Variants in DPY19L3 observed in about 807,000 individuals in gnomAD.
The protein encoded by DPY19L3 is dpy-19 like C-mannosyltransferase 3.
A neutral mutation model predicts 92.3 loss-of-function variants in DPY19L3; 51 were observed. That is an observed-to-expected ratio of 0.55 (90% confidence interval 0.44 to 0.70). The LOEUF (loss-of-function observed/expected upper bound fraction) is 0.70, where lower values mean the gene tolerates loss of function less well. DPY19L3 is among the 30% of genes least tolerant of loss of function. DPY19L3 has a pLI of 0.00. For synonymous variants in DPY19L3, 309 were observed against 315.2 expected, an observed-to-expected ratio of 0.98 and a Z score of 0.21; for missense variants, 706 against 855.9, an observed-to-expected ratio of 0.82 and a Z score of 2.18.
At chr19:32,463,817 A>G (rs910410724) in intron 13 of DPY19L3, 52 bp from the exon 14 acceptor site, 6 of 1,465,642 alleles carry the variant, frequency 4.1e-6, no homozygotes, top group Non-Finnish European at 4.8e-6. Flanking sequence ...CTCAGAATCC[A>G]GGTTTATATA....
chr19:32,451,720 G>A (rs1315974013), intron 8 of DPY19L3, among the ~76,000 whole-genome samples: 1 of 152,112 alleles, frequency 6.6e-6, no homozygotes, highest in Non-Finnish European at 1.5e-5. Flanking sequence ...CGTGTTTCGT[G>A]TATTCAAGTT....
At chr19:32,478,732 C>T (rs1970586129) in intron 17 of DPY19L3, among the ~76,000 whole-genome samples, 1 of 152,200 alleles carries the variant, frequency 6.6e-6, no homozygotes, top group African/African-American at 2.4e-5. Context: ...TTAACAGCTT[C>T]CTTCCTATTT....
At chr19:32,431,079 C>CTA (rs964443688) in intron 3 of DPY19L3, among the ~76,000 whole-genome samples, 2 of 151,996 alleles carry the variant, frequency 1.3e-5, no homozygotes, top group Middle Eastern at 3.2e-3. Flanking sequence ...TGTGAATCTG[C>CTA]TATAATATGA....
rs758319559 is a variant in DPY19L3 at position 32,458,462 on chromosome 19, G to C, written c.1275G>C (p.Leu425=). 6.2e-7 allele frequency: 1 copy of C among 1,613,348 alleles called. No homozygotes were observed. Among genetic ancestry groups the C allele is most frequent in the Admixed American group, 1.7e-5 (1 of 59,934 alleles). The part of the protein sequence containing the change: ...TLLFYAYIFV[L]SITVIVAFVV... ...TTTTTTATGCTTACATATTCGTTCT[G>C]TCCATCACAGTGATTGTAGCATTCG... Residue 425 remains leucine (L), a synonymous_variant, in exon 12 of 19, where the codon CTG becomes CTC. Coordinates refer to ENST00000392250, the MANE Select transcript of DPY19L3 (RefSeq NM_001172774.2).
At chr19:32,407,043 A>G (rs1025287168) in intron 1 of DPY19L3, among the ~76,000 whole-genome samples, 2 of 144,612 alleles carry the variant, frequency 1.4e-5, no homozygotes, top group Admixed American at 1.4e-4. Context: ...CATGAATTGT[A>G]TAATGTTAGT....
At chr19:32,422,871 T>C (rs1968620983) in intron 3 of DPY19L3, among the ~76,000 whole-genome samples, 1 of 152,130 alleles carries the variant, frequency 6.6e-6, no homozygotes, top group African/African-American at 2.4e-5. Context: ...GAAACAAAAG[T>C]CAACCTAGCA....
chr19:32,430,526 A>G (rs778833065), intron 3 of DPY19L3, among the ~76,000 whole-genome samples: 4 of 152,318 alleles, frequency 2.6e-5, no homozygotes, highest in Non-Finnish European at 5.9e-5. Flanking sequence ...GGAATTAACA[A>G]ACAATGATAA....
chr19:32,466,185 A>G (rs1970194532), intron 15 of DPY19L3, among the ~76,000 whole-genome samples: 1 of 152,208 alleles, frequency 6.6e-6, no homozygotes, highest in Non-Finnish European at 1.5e-5. Flanking sequence ...AATAAAATTG[A>G]GGAAGGACAT....
intron 15 of DPY19L3, chr19:32,467,725 TGTGAA>T (rs1970240833): frequency 2.0e-6 from 2 of 986,950 alleles, no homozygotes; most frequent in Admixed American, 1.2e-4. Context: ...TATGCTAATA[TGTGAA>T]GTGAATTCTA....
At chr19:32,432,648 C>A in intron 3 of DPY19L3, 68 bp from the exon 4 acceptor site, 1 of 1,331,696 alleles carries the variant, frequency 7.5e-7, no homozygotes, top group South Asian at 1.2e-5. Flanking sequence ...TGTATCCTTT[C>A]TACAGTAACA....
chr19:32,421,874 G>T (rs1968583797), intron 3 of DPY19L3, among the ~76,000 whole-genome samples: 1 of 152,104 alleles, frequency 6.6e-6, no homozygotes, highest in South Asian at 2.1e-4. Context: ...TATTTGTTAA[G>T]AGATGGAATT....
At chr19:32,458,969 C>T (rs888817619) in intron 12 of DPY19L3, among the ~76,000 whole-genome samples, 1 of 152,198 alleles carries the variant, frequency 6.6e-6, no homozygotes, top group African/African-American at 2.4e-5. Context: ...CCATTATTAG[C>T]ATCCTGTGTT....
At chr19:32,450,116 C>A (rs138708508) in intron 8 of DPY19L3, among the ~76,000 whole-genome samples, 7 of 152,026 alleles carry the variant, frequency 4.6e-5, no homozygotes, top group African/African-American at 1.7e-4. Flanking sequence ...ACATAAATGT[C>A]CAATAAACAC....
At chr19:32,444,920 A>AAATAAT (rs375883168) in intron 8 of DPY19L3, among the ~76,000 whole-genome samples, 5 of 151,228 alleles carry the variant, frequency 3.3e-5, no homozygotes, top group African/African-American at 1.2e-4. Context: ...CCATCTCTAT[A>AAATAAT]AATAATAATA....
chr19:32,447,775 A>AGATAGATAGATAGATTGATT (rs1237623603), intron 8 of DPY19L3, among the ~76,000 whole-genome samples: 3 of 126,942 alleles, frequency 2.4e-5, no homozygotes, highest in Admixed American at 7.8e-5. Context: ...ATAGATAGAT[A>AGATAGATAGATAGATTGATT]GATTAGATAA....
Position 32,483,506 on chromosome 19 carries a change from G to A in DPY19L3, c.*1266G>A, listed in dbSNP as rs1055926380. ...GGAATTAACTTTCTCCCCTGTTCTT[G>A]CCAGGTGGAAATGATTTAAGCATTT... On this transcript the variant is annotated 3_prime_UTR_variant, in exon 19 of 19. Transcript: ENST00000392250. 1 of 152,536 alleles carries A rather than the reference G, an allele frequency of 6.6e-6. No homozygotes were observed. Among genetic ancestry groups the A allele is most frequent in the Admixed American group, 6.5e-5 (1 of 15,278 alleles). The allele number at this position is 152,536 out of a possible 1,614,324, so 9.4% of individuals were successfully genotyped here. A position where few individuals can be genotyped will look rare whatever the true frequency, so the allele number is the denominator to read the frequency against.
intron 12 of DPY19L3, among the ~76,000 whole-genome samples, chr19:32,462,874 G>A (rs992933033): frequency 1.3e-5 from 2 of 152,116 alleles, no homozygotes; most frequent in African/African-American, 2.4e-5. Flanking sequence ...TAATGTAGCC[G>A]TATTTGGTAA....
intron 8 of DPY19L3, among the ~76,000 whole-genome samples, chr19:32,448,998 T>C (rs1421104570): frequency 2.0e-5 from 3 of 152,126 alleles, no homozygotes; most frequent in African/African-American, 7.2e-5. Flanking sequence ...TCTCACTTGA[T>C]ATAAAAAGAA....
At chr19:32,446,218 C>T (rs1037272447) in intron 8 of DPY19L3, among the ~76,000 whole-genome samples, 2 of 151,866 alleles carry the variant, frequency 1.3e-5, no homozygotes, top group Non-Finnish European at 2.9e-5. Flanking sequence ...AGAATAACCA[C>T]TTTAAAAAAC....
Sources: allele counts gnomAD v4.1 joint callset (sites outside exome capture counted in the v4.1 genomes callset), GRCh38; gene constraint gnomAD v4.1.1; transcripts MANE v1.5; gene names NCBI Gene and HGNC (gene_info 2026-07-23, HGNC 2026-07-21).